ZFP1: variants seen among roughly 807,000 people sequenced by gnomAD.
ZFP1 encodes zinc finger protein 1 homolog.
Under a neutral mutation model 38.5 loss-of-function variants are expected in ZFP1, and 32 were observed. The ratio of observed to expected loss-of-function variants is 0.83; its 90% CI spans 0.63 to 1.12. The LOEUF is 1.12. Ranked by LOEUF, ZFP1 falls within the 50% of genes most tolerant of loss-of-function variation. ZFP1 has a pLI of 0.00. For synonymous variants in ZFP1, 245 were observed against 168.8 expected (o/e 1.45, Z -3.50); for missense variants, 616 against 480.8 (o/e 1.28, Z -2.63).
intron 2 of ZFP1, among the ~76,000 whole-genome samples, chr16:75,161,071 T>G (rs1037068884): frequency 6.6e-6 from 1 of 152,074 alleles, no homozygotes; most frequent in African/African-American, 2.4e-5. Flanking sequence ...TTTTAATTTA[T>G]TTAATTAATT....
chr16:75,129,427 G>A, the ZFP1 span, among the ~76,000 whole-genome samples: 10 of 152,136 alleles, frequency 6.6e-5, no homozygotes, highest in African/African-American at 2.2e-4. Flanking sequence ...TAAGCTAAAG[G>A]GAAAAGTCAA....
chr16:75,170,452 C>A lies in ZFP1; in HGVS notation c.*118C>A, dbSNP rs2077977383. ...CATACTGAGATGCAATCTCTCAACTCAAAAATGTATTAAAAATAGGATCCC... is the reference window on the plus strand; with the variant it reads ...CATACTGAGATGCAATCTCTCAACTAAAAAATGTATTAAAAATAGGATCCC... On this transcript the variant is annotated 3_prime_UTR_variant, in exon 4 of 4. Coordinates refer to ENST00000570010, the MANE Select transcript of ZFP1 (RefSeq NM_153688.4). 2 of 1,353,440 alleles carry A rather than the reference C, an allele frequency of 1.5e-6. No homozygotes were observed. Among genetic ancestry groups the A allele is most frequent in the South Asian group, 2.1e-5 (1 of 48,706 alleles). 83.8% of individuals were successfully genotyped at this position (1,353,440 alleles called of 1,614,324 possible).
intron 2 of ZFP1, 57 bp from the exon 3 acceptor site, chr16:75,166,713 A>C: frequency 6.2e-7 from 1 of 1,613,046 alleles, no homozygotes; most frequent in Non-Finnish European, 8.5e-7. Context: ...GTTTTCATCT[A>C]TCCTTTCTAT....
chr16:75,130,090 G>C, the ZFP1 span, among the ~76,000 whole-genome samples: 2 of 152,082 alleles, frequency 1.3e-5, no homozygotes, highest in African/African-American at 4.8e-5. Flanking sequence ...TCCACCTCCT[G>C]GGTTCAAGTA....
At chr16:75,141,195 C>CTTTT in the ZFP1 span, among the ~76,000 whole-genome samples, 248 of 67,934 alleles carry the variant, frequency 3.7e-3, no homozygotes, top group Non-Finnish European at 4.5e-3. Context: ...TTGGGTCATT[C>CTTTT]TTTTTTTTTT....
At position 75,171,632 on chromosome 16, in the gene ZFP1, C is replaced by T. The variant is rs2038438678; in HGVS notation, c.*1298C>T. The T allele has an allele frequency of 3.3e-5, 5 of 152,292 alleles. No individual in the cohort carries two copies. In the South Asian group the frequency reaches 1.0e-3, roughly 32 times the overall value. 9.4% of individuals were successfully genotyped at this position (152,292 alleles called of 1,614,324 possible). A position where few individuals can be genotyped will look rare whatever the true frequency, so the allele number is the denominator to read the frequency against. On this transcript the variant is annotated 3_prime_UTR_variant, in exon 4 of 4. Transcript: ENST00000570010. ...TTGATTTCAAATTCTTAAGTTCAGC[C>T]TTTCCCTATCAATCACAAATCATGT...
At chr16:75,163,596 C>G (rs2037901331) in intron 2 of ZFP1, among the ~76,000 whole-genome samples, 1 of 151,440 alleles carries the variant, frequency 6.6e-6, no homozygotes, top group Admixed American at 6.6e-5. Context: ...ACAGGTGTGG[C>G]CACTGCACCC....
At chr16:75,142,495 C>G in the ZFP1 span, among the ~76,000 whole-genome samples, 1 of 152,148 alleles carries the variant, frequency 6.6e-6, no homozygotes, top group Non-Finnish European at 1.5e-5. Flanking sequence ...CTAGTTTAAT[C>G]TACTGTTGTC....
At chr16:75,164,775 TAAA>T (rs767200334) in intron 2 of ZFP1, among the ~76,000 whole-genome samples, 9 of 151,234 alleles carry the variant, frequency 6.0e-5, no homozygotes, top group Non-Finnish European at 1.2e-4. Context: ...TGATTTGAAA[TAAA>T]AATATGAAAC....
At chr16:75,155,841 C>G (rs1270921322) in intron 2 of ZFP1, among the ~76,000 whole-genome samples, 2 of 152,108 alleles carry the variant, frequency 1.3e-5, no homozygotes, top group Non-Finnish European at 2.9e-5. Flanking sequence ...ATTAATATCA[C>G]TTATAGTCTT....
At chr16:75,138,013 C>A in the ZFP1 span, among the ~76,000 whole-genome samples, 1 of 143,972 alleles carries the variant, frequency 6.9e-6, no homozygotes, top group African/African-American at 2.6e-5. Context: ...GGTGACATAA[C>A]CTCCCACTTC....
At chr16:75,146,475 A>G (rs573305705), upstream of ZFP1, among the ~76,000 whole-genome samples, 1 of 152,092 alleles carries the variant, frequency 6.6e-6, no homozygotes, top group Non-Finnish European at 1.5e-5. Context: ...CCGCAACCAT[A>G]CGATTTACCC....
At chr16:75,123,467 A>G in the ZFP1 span, among the ~76,000 whole-genome samples, 66,280 of 94,358 alleles carry the variant, frequency 0.7, 21,862 homozygotes, top group Admixed American at 0.77. Context: ...ATATATATAT[A>G]TATATATATA....
chr16:75,165,716 G>A (rs764415179), intron 2 of ZFP1, among the ~76,000 whole-genome samples: 2 of 151,798 alleles, frequency 1.3e-5, no homozygotes, highest in Non-Finnish European at 2.9e-5. Flanking sequence ...TATATGCTGA[G>A]TATTTTTTTT....
intron 2 of ZFP1, among the ~76,000 whole-genome samples, chr16:75,159,878 G>A (rs938982752): frequency 6.6e-5 from 10 of 152,158 alleles, no homozygotes; most frequent in African/African-American, 1.9e-4. Context: ...TGGGTGTATC[G>A]GTTTGGTCAT....
At chr16:75,138,186 G>A in the ZFP1 span, among the ~76,000 whole-genome samples, 57,096 of 151,548 alleles carry the variant, frequency 0.38, 12,020 homozygotes, top group Middle Eastern at 0.55. Flanking sequence ...ACAGGCGTGC[G>A]CCACCACACC....
rs376111231 is a variant in ZFP1 at position 75,169,252 on chromosome 16, G to T, written c.143-1G>T. 1 of 1,602,690 alleles carries T rather than the reference G, an allele frequency of 6.2e-7. No homozygotes were observed. Among genetic ancestry groups the T allele is most frequent in the Non-Finnish European group, 8.5e-7 (1 of 1,176,598 alleles). ...CTTTTCATTGTGCTCTCTATTCCTA[G>T]AAGTGTGGAAGGCTGATGACCAGAT... On this transcript the variant is annotated splice_acceptor_variant, in intron 3 of 3. Coordinates refer to ENST00000570010, the MANE Select transcript of ZFP1 (RefSeq NM_153688.4). LOFTEE classifies it high-confidence loss of function.
chr16:75,122,227 C>A, the ZFP1 span, among the ~76,000 whole-genome samples: 1,165 of 152,326 alleles, frequency 7.6e-3, 11 homozygotes, highest in African/African-American at 0.027. Flanking sequence ...ACTGCTGTGT[C>A]GTTCCCCTAT....
At chr16:75,141,271 C>T in the ZFP1 span, among the ~76,000 whole-genome samples, 3 of 135,280 alleles carry the variant, frequency 2.2e-5, no homozygotes, top group Admixed American at 8.2e-5. Context: ...GGTGCAATCT[C>T]GGCTCACTGC....
Sources: allele counts gnomAD v4.1 joint callset (sites outside exome capture counted in the v4.1 genomes callset), GRCh38; gene constraint gnomAD v4.1.1; transcripts MANE v1.5; gene names NCBI Gene and HGNC (gene_info 2026-07-23, HGNC 2026-07-21).